COL19A1: variants seen among roughly 807,000 people sequenced by gnomAD.
COL19A1 encodes collagen alpha-1(XIX) chain.
A neutral mutation model predicts 190.2 loss-of-function variants in COL19A1; 159 were observed. The observed-to-expected ratio is 0.84, with a 90% confidence interval of 0.73 to 0.95. COL19A1 has a LOEUF of 0.95. Among genes scored for constraint, COL19A1 ranks in the 40% least tolerant of loss-of-function variants. The pLI, the probability that COL19A1 is intolerant of heterozygous loss-of-function variation, is 0.00. For synonymous variants in COL19A1, 509 were observed against 458.9 expected, an observed-to-expected ratio of 1.11 and a Z score of -1.39; for missense variants, 1,418 against 1,431.9, an observed-to-expected ratio of 0.99 and a Z score of 0.16.
intron 18 of COL19A1, among the ~76,000 whole-genome samples, chr6:70,133,290 C>T (rs564483672): frequency 4.6e-5 from 7 of 152,244 alleles, no homozygotes; most frequent in East Asian, 3.9e-4. Context: ...CTTTGGAACC[C>T]GACACTACAA....
At position 70,190,880 on chromosome 6, in the gene COL19A1, T is replaced by C. The variant is rs567945848; in HGVS notation, c.3094+499T>C. 3.0e-4 allele frequency among the ~76,000 whole-genome samples: 46 copies of C among 152,344 alleles called. 1 individual carries two copies. The highest frequency in any genetic ancestry group is 8.3e-4 in the South Asian group (4 of 4,822). On this transcript the variant is annotated intron_variant, in intron 48 of 50. Transcript: ENST00000620364. ...CACCTGCTTTGTACAGCCTACAAAC[T>C]GAGAATGGTTTTTGCTTTTTGGTAG...
At chr6:70,163,290 C>G in intron 35 of COL19A1, 53 bp from the exon 36 acceptor site, 1 of 1,539,890 alleles carries the variant, frequency 6.5e-7, no homozygotes, top group Non-Finnish European at 8.9e-7. Flanking sequence ...TTCCAATACC[C>G]TTTGGCCATT....
chr6:70,085,827 TA>T (rs1373926652), intron 15 of COL19A1, among the ~76,000 whole-genome samples: 1 of 152,198 alleles, frequency 6.6e-6, no homozygotes, highest in Non-Finnish European at 1.5e-5. Flanking sequence ...GTTTACATCT[TA>T]AACTCCATTT....
intron 9 of COL19A1, among the ~76,000 whole-genome samples, chr6:69,946,028 A>T (rs1182087575): frequency 1.3e-5 from 2 of 151,884 alleles, no homozygotes; most frequent in East Asian, 3.9e-4. Context: ...TGATCATTGG[A>T]TTGACCCAGC....
intron 15 of COL19A1, among the ~76,000 whole-genome samples, chr6:70,082,317 T>G (rs976514811): frequency 1.3e-5 from 2 of 152,220 alleles, no homozygotes; most frequent in Admixed American, 6.5e-5. Context: ...CTAAAATTAC[T>G]TCAAAATTTC....
chr6:70,207,171 G>T lies in COL19A1; in HGVS notation c.3326G>T (p.Gly1109Val). ...GCTCTGGGTTTGCCAGGCTCACCAG[G>T]TGCCCCAGGCCCACAGGGCCCCCCA... is the stretch of plus-strand genomic sequence containing the variant. ...TSALGLPGSPGAPGPQGPPGP... is the reference protein window; with the variant it reads ...TSALGLPGSPVAPGPQGPPGP... The change falls in exon 51 of 51, where the codon GGT (glycine) becomes GTT (valine). Residue 1109 changes from glycine (G) to valine (V), a missense_variant. Gly to Val is a moderately radical substitution (Grantham distance 109). Transcript: ENST00000620364. The T allele has an allele frequency of 6.2e-7, 1 of 1,613,602 alleles. No individual in the cohort carries two copies. Among genetic ancestry groups the T allele is most frequent in the Non-Finnish European group, 8.5e-7 (1 of 1,179,830 alleles).
chr6:69,942,166 A>G (rs1332614899), intron 9 of COL19A1, among the ~76,000 whole-genome samples: 6 of 152,210 alleles, frequency 3.9e-5, no homozygotes, highest in East Asian at 1.9e-4. Flanking sequence ...TGAGAATACA[A>G]CTTCCACATC....
At chr6:69,981,078 A>G (rs1407282205) in intron 11 of COL19A1, among the ~76,000 whole-genome samples, 1 of 152,212 alleles carries the variant, frequency 6.6e-6, no homozygotes, top group East Asian at 1.9e-4. Flanking sequence ...AACTCCTAAC[A>G]CAAATTCTGT....
intron 7 of COL19A1, among the ~76,000 whole-genome samples, 167 bp from the exon 8 acceptor site, chr6:69,936,618 A>G (rs1773127066): frequency 6.6e-6 from 1 of 152,144 alleles, no homozygotes; most frequent in African/African-American, 2.4e-5. Flanking sequence ...TCAGGCGGAA[A>G]GTGCAAAAGT....
chr6:70,094,876 C>G (rs534440209), intron 15 of COL19A1, among the ~76,000 whole-genome samples: 82 of 152,106 alleles, frequency 5.4e-4, no homozygotes, highest in Admixed American at 1.0e-3. Flanking sequence ...TAAAATCATT[C>G]CATTGTGGGA....
chr6:69,891,033 TC>T, intron 2 of COL19A1: 2 of 363,802 alleles, frequency 5.5e-6, no homozygotes, highest in South Asian at 2.3e-5. Context: ...TGTCAGAGGC[TC>T]CAGTTGCATG....
intron 10 of COL19A1, among the ~76,000 whole-genome samples, chr6:69,960,399 C>G (rs913182225): frequency 2.6e-5 from 4 of 152,130 alleles, no homozygotes; most frequent in Non-Finnish European, 5.9e-5. Context: ...TTACCTCTTG[C>G]TTATCTTCTT....
chr6:70,088,255 A>G (rs753963961), intron 15 of COL19A1, among the ~76,000 whole-genome samples: 62 of 152,158 alleles, frequency 4.1e-4, no homozygotes, highest in Admixed American at 9.8e-4. Context: ...CACTATCTTT[A>G]GGCAGGTATG....
At chr6:70,038,022 A>G (rs1424353774) in intron 14 of COL19A1, among the ~76,000 whole-genome samples, 1 of 152,234 alleles carries the variant, frequency 6.6e-6, no homozygotes, top group Non-Finnish European at 1.5e-5. Context: ...ACTCTTCCCT[A>G]CAAAATAGGG....
At chr6:69,987,096 TTTG>T (rs1168408160) in intron 11 of COL19A1, among the ~76,000 whole-genome samples, 8 of 152,106 alleles carry the variant, frequency 5.3e-5, no homozygotes, top group African/African-American at 1.9e-4. Context: ...AAAATCTTTT[TTTG>T]TTGTTGTTCA....
At chr6:70,141,996 G>A (rs1583011576) in intron 21 of COL19A1, 27 bp from the exon 22 acceptor site, 3 of 1,612,240 alleles carry the variant, frequency 1.9e-6, no homozygotes, top group Middle Eastern at 3.3e-4. Context: ...AAGAAACATT[G>A]ATCTTTCCTT....
chr6:69,974,692 AT>A (rs1341939453), intron 11 of COL19A1, among the ~76,000 whole-genome samples: 1 of 151,198 alleles, frequency 6.6e-6, no homozygotes, highest in Non-Finnish European at 1.5e-5. Flanking sequence ...GTTCCGTATT[AT>A]TTTGACCAAT....
chr6:69,980,454 T>C (rs1775974907), intron 11 of COL19A1, among the ~76,000 whole-genome samples: 1 of 152,134 alleles, frequency 6.6e-6, no homozygotes, highest in Non-Finnish European at 1.5e-5. Context: ...AAGCAATAAA[T>C]ACTTTACATT....
intron 15 of COL19A1, among the ~76,000 whole-genome samples, chr6:70,077,906 G>T (rs1346725002): frequency 6.6e-6 from 1 of 151,690 alleles, no homozygotes; most frequent in African/African-American, 2.4e-5. Flanking sequence ...AGATATCATT[G>T]GAAAAAATCT....
Sources: allele counts gnomAD v4.1 joint callset (sites outside exome capture counted in the v4.1 genomes callset), GRCh38; gene constraint gnomAD v4.1.1; transcripts MANE v1.5; gene names NCBI Gene and HGNC (gene_info 2026-07-23, HGNC 2026-07-21).